Variants in CSMD1 observed in about 807,000 individuals in gnomAD.
CSMD1 encodes CUB and Sushi multiple domains 1.
CSMD1 carries 213 observed loss-of-function variants against 417.5 expected under a neutral mutation model. The ratio of observed to expected loss-of-function variants is 0.51; its 90% CI spans 0.46 to 0.57. CSMD1 has a LOEUF of 0.57. Ranked by LOEUF, CSMD1 falls within the 20% of genes least tolerant of loss-of-function variation. The pLI is 0.00. For synonymous variants in CSMD1, 2,862 were observed against 1,736.8 expected (o/e 1.65, Z -16.11); for missense variants, 6,923 against 4,529.7 (o/e 1.53, Z -15.17).
At chr8:3,649,934 A>G (rs946423250) in intron 7 of CSMD1, among the ~76,000 whole-genome samples, 2 of 139,992 alleles carry the variant, frequency 1.4e-5, no homozygotes, top group Admixed American at 7.2e-5. Context: ...ACTTAAAATT[A>G]CATATTCTTA....
intron 5 of CSMD1, among the ~76,000 whole-genome samples, chr8:3,984,274 T>C (rs1249411085): frequency 6.6e-6 from 1 of 152,222 alleles, no homozygotes; most frequent in Non-Finnish European, 1.5e-5. Context: ...GTCACATTGA[T>C]GTCCCCAATA....
At chr8:4,654,229 T>C (rs982656516) in intron 1 of CSMD1, among the ~76,000 whole-genome samples, 13 of 152,236 alleles carry the variant, frequency 8.5e-5, no homozygotes, top group South Asian at 6.2e-4. Context: ...ATGTCTAAAA[T>C]ATGTCTCAGG....
chr8:3,919,532 T>A (rs144928786), intron 5 of CSMD1, among the ~76,000 whole-genome samples: 225 of 152,268 alleles, frequency 1.5e-3, no homozygotes, highest in African/African-American at 5.0e-3. Flanking sequence ...CTTTTATTAC[T>A]GAAGATTGGT....
At chr8:4,100,166 G>C (rs536106161) in intron 3 of CSMD1, among the ~76,000 whole-genome samples, 4 of 152,162 alleles carry the variant, frequency 2.6e-5, no homozygotes, top group East Asian at 3.9e-4. Flanking sequence ...GAGTAAAATG[G>C]GGCATATACT....
At chr8:4,716,991 G>A (rs1053883856) in intron 1 of CSMD1, among the ~76,000 whole-genome samples, 1 of 152,002 alleles carries the variant, frequency 6.6e-6, no homozygotes, top group Non-Finnish European at 1.5e-5. Context: ...AAGTCTCCTG[G>A]TATAGAAGCC....
At chr8:3,219,741 G>A (rs903234180) in intron 28 of CSMD1, among the ~76,000 whole-genome samples, 9 of 152,166 alleles carry the variant, frequency 5.9e-5, no homozygotes, top group Middle Eastern at 6.8e-3. Context: ...TCCTTTCCGT[G>A]TACTCATTAA....
chr8:4,305,016 C>T (rs1798170194), intron 3 of CSMD1, among the ~76,000 whole-genome samples: 1 of 152,158 alleles, frequency 6.6e-6, no homozygotes, highest in African/African-American at 2.4e-5. Flanking sequence ...CCACTACAAA[C>T]ACACAGTTCC....
At position 4,563,527 on chromosome 8, in the gene CSMD1, C is replaced by G. The variant is rs374729165; in HGVS notation, c.302+73815G>C. Among the ~76,000 whole-genome samples the G allele has an allele frequency of 9.8e-5, 15 of 152,326 alleles. No homozygotes were observed. In the East Asian group the frequency reaches 2.3e-3, roughly 24 times the overall value. On this transcript the variant is annotated intron_variant, in intron 2 of 69. Coordinates refer to ENST00000635120, the MANE Select transcript of CSMD1 (RefSeq NM_033225.6). ...GGCTATACCTGCCCTGCCCCACGCA[C>G]TGATACTCCTCACCACACATCCTCA...
chr8:4,461,403 G>C (rs1294848928), intron 2 of CSMD1, among the ~76,000 whole-genome samples: 2 of 151,498 alleles, frequency 1.3e-5, no homozygotes, highest in East Asian at 3.9e-4. Context: ...GATAGGTAAA[G>C]AAGATAAAAA....
At chr8:4,761,592 C>T (rs1812071806) in intron 1 of CSMD1, among the ~76,000 whole-genome samples, 2 of 152,092 alleles carry the variant, frequency 1.3e-5, no homozygotes, top group East Asian at 1.9e-4. Context: ...CGATGGTTAC[C>T]TCTTATTATA....
chr8:3,756,676 C>T (rs974206936), intron 5 of CSMD1, among the ~76,000 whole-genome samples: 1 of 152,206 alleles, frequency 6.6e-6, no homozygotes, highest in Non-Finnish European at 1.5e-5. Context: ...ATGTAGGAAG[C>T]TGCATGTACT....
intron 1 of CSMD1, among the ~76,000 whole-genome samples, chr8:4,873,181 G>T (rs1802834560): frequency 6.6e-6 from 1 of 152,086 alleles, no homozygotes; most frequent in African/African-American, 2.4e-5. Context: ...ATGATAGGAG[G>T]TGGCAACAAT....
At chr8:3,228,332 T>C (rs369511799) in intron 27 of CSMD1, among the ~76,000 whole-genome samples, 2 of 152,236 alleles carry the variant, frequency 1.3e-5, no homozygotes, top group East Asian at 3.8e-4. Flanking sequence ...GCAAGCTTCT[T>C]ACAGAGGACA....
chr8:4,170,537 A>C (rs1797712503), intron 3 of CSMD1, among the ~76,000 whole-genome samples: 1 of 151,892 alleles, frequency 6.6e-6, no homozygotes, highest in Non-Finnish European at 1.5e-5. Flanking sequence ...CTATAGTCGG[A>C]GTATTGGAAT....
intron 3 of CSMD1, among the ~76,000 whole-genome samples, chr8:4,122,113 A>G (rs1468628626): frequency 1.3e-5 from 2 of 152,160 alleles, no homozygotes; most frequent in African/African-American, 2.4e-5. Flanking sequence ...TGTATCGTAT[A>G]GGATATCAGA....
At chr8:3,372,087 G>T (rs749338885) in intron 18 of CSMD1, among the ~76,000 whole-genome samples, 14 of 152,208 alleles carry the variant, frequency 9.2e-5, no homozygotes, top group Non-Finnish European at 1.8e-4. Context: ...AATATTGGCA[G>T]ATGACACATG....
chr8:4,562,934 C>G (rs540547794), intron 2 of CSMD1, among the ~76,000 whole-genome samples: 7 of 152,138 alleles, frequency 4.6e-5, no homozygotes, highest in Admixed American at 2.6e-4. Flanking sequence ...AAAATTAACT[C>G]TACTTTCTTA....
intron 1 of CSMD1, among the ~76,000 whole-genome samples, chr8:4,720,244 G>C (rs1042815333): frequency 6.6e-6 from 1 of 151,720 alleles, no homozygotes. Context: ...TAAAGGGAAT[G>C]TATCATTTTT....
chr8:3,555,214 T>C (rs947571545), intron 10 of CSMD1, among the ~76,000 whole-genome samples: 1 of 146,532 alleles, frequency 6.8e-6, no homozygotes, highest in African/African-American at 2.5e-5. Flanking sequence ...GACGGGAGCT[T>C]TTGTGAGCAG....
Sources: allele counts gnomAD v4.1 joint callset (sites outside exome capture counted in the v4.1 genomes callset), GRCh38; gene constraint gnomAD v4.1.1; transcripts MANE v1.5; gene names NCBI Gene and HGNC (gene_info 2026-07-23, HGNC 2026-07-21).